Variants in PRDM2 observed in about 807,000 individuals in gnomAD.
PRDM2 encodes PR/SET domain 2, also known as PR domain zinc finger protein 2.
In PRDM2, 30 loss-of-function variants were observed where a neutral mutation model predicts 130.0. The observed-to-expected ratio is 0.23, with a 90% CI of 0.17 to 0.31. PRDM2 has a LOEUF of 0.31. Ranked by LOEUF, PRDM2 falls within the 10% of genes least tolerant of loss-of-function variation. The pLI, the probability that PRDM2 is intolerant of heterozygous loss-of-function variation, is 1.00. For synonymous variants in PRDM2, 871 were observed against 782.4 expected (o/e 1.11, Z -1.89); for missense variants, 2,011 against 2,108.4 (o/e 0.95, Z 0.90).
At chr1:13,723,024 G>C (rs1252609112) in intron 2 of PRDM2, among the ~76,000 whole-genome samples, 7 of 152,156 alleles carry the variant, frequency 4.6e-5, no homozygotes, top group Admixed American at 4.6e-4. Flanking sequence ...CCTTGGTTTT[G>C]CATGTTCCAG....
At chr1:13,759,326 C>G (rs1318086938) in intron 6 of PRDM2, among the ~76,000 whole-genome samples, 1 of 152,124 alleles carries the variant, frequency 6.6e-6, no homozygotes, top group Non-Finnish European at 1.5e-5. Context: ...AACCCCAAGA[C>G]GGAATTATGT....
chr1:13,760,041 G>A (rs80269966), intron 6 of PRDM2, among the ~76,000 whole-genome samples: 4,328 of 152,136 alleles, frequency 0.028, 210 homozygotes, highest in African/African-American at 0.098. Flanking sequence ...TGAGTGGTAA[G>A]CTTAATACCT....
At chr1:13,750,314 G>A (rs1643782711) in intron 6 of PRDM2, among the ~76,000 whole-genome samples, 1 of 151,770 alleles carries the variant, frequency 6.6e-6, no homozygotes, top group South Asian at 2.1e-4. Flanking sequence ...ATAGATCCCA[G>A]TTTGAAAATA....
In PRDM2 at chr1:13,780,667, T is replaced by C; in HGVS notation, c.2872T>C (p.Ser958Pro). 1 of 1,611,648 alleles carries C rather than the reference T, an allele frequency of 6.2e-7. No individual in the cohort carries two copies. Among genetic ancestry groups the C allele is most frequent in the Non-Finnish European group, 8.5e-7 (1 of 1,178,638 alleles). Residue 958 changes from serine to proline, a missense_variant, in exon 8 of 10, where the codon TCC (serine) becomes CCC (proline). By Grantham distance (74) the Ser-to-Pro change is moderately conservative (BLOSUM62 -1). Around this residue, in one of 5 missense-constraint regions of PRDM2, gnomAD observed 1,288 missense variants for 1,237.7 expected, o/e 1.04. Coordinates refer to ENST00000311066, the MANE Select transcript of PRDM2 (RefSeq NM_001393986.1). ...TGCCCTGCAGACACCCTCCCTTTCA[T>C]CCGGTCAGCTGCCTCCTCTCTTGAT... ...SPALQTPSLS[S>P]GQLPPLLIPT...
chr1:13,816,161 C>T (rs1318177468), intron 8 of PRDM2, among the ~76,000 whole-genome samples: 4 of 152,222 alleles, frequency 2.6e-5, no homozygotes, highest in Admixed American at 2.6e-4. Flanking sequence ...TCAGAACCAG[C>T]CCAATGGACA....
chr1:13,767,221 C>T (rs1451226942), intron 6 of PRDM2, among the ~76,000 whole-genome samples: 2 of 151,184 alleles, frequency 1.3e-5, no homozygotes, highest in Non-Finnish European at 2.9e-5. Context: ...TTGTTTCTGG[C>T]ACAGGATAAA....
rs1173538456 is a variant in PRDM2, at chr1:13,749,343, T to C, written c.385-18T>C. ...GCCGCTCTGATTGGCCCGGCGCTTGTCTCTTCTCTCCCCGCAGCCAATCGC... is the reference window on the plus strand; with the variant it reads ...GCCGCTCTGATTGGCCCGGCGCTTGCCTCTTCTCTCCCCGCAGCCAATCGC... On this transcript the variant is annotated intron_variant, in intron 5 of 9. Coordinates refer to ENST00000311066, the MANE Select transcript of PRDM2 (RefSeq NM_001393986.1). 2.0e-6 allele frequency: 3 copies of C among 1,468,980 alleles called. No homozygotes were observed. Among genetic ancestry groups the C allele is most frequent in the Admixed American group, 1.9e-5 (1 of 52,182 alleles). The allele number at this position is 1,468,980 out of a possible 1,614,324, so 91.0% of individuals were successfully genotyped here. A position where few individuals can be genotyped will look rare whatever the true frequency, so the allele number is the denominator to read the frequency against.
chr1:13,811,427 G>A (rs1410740316), intron 8 of PRDM2, among the ~76,000 whole-genome samples: 1 of 152,212 alleles, frequency 6.6e-6, no homozygotes, highest in Non-Finnish European at 1.5e-5. Flanking sequence ...ACTGGAGGCA[G>A]TGCTGGGAGC....
rs570915922 is a variant in PRDM2 at position 13,744,045 on chromosome 1, G to C, written c.384+1888G>C. Among the ~76,000 whole-genome samples, 3 of 152,294 alleles carry C rather than the reference G, an allele frequency of 2.0e-5. No individual in the cohort carries two copies. The South Asian group carries it at 6.2e-4, about 32-fold the overall frequency. On this transcript the variant is annotated intron_variant, in intron 5 of 9. Coordinates refer to ENST00000311066, the MANE Select transcript of PRDM2 (RefSeq NM_001393986.1). The stretch of plus-strand genomic sequence containing the variant: ...CTGGTGGAGATGAAATACTAGCTAG[G>C]GGATGAATATGAGACAATCAAGGTA...
At chr1:13,736,654 C>G (rs1643282597) in intron 4 of PRDM2, among the ~76,000 whole-genome samples, 1 of 151,830 alleles carries the variant, frequency 6.6e-6, no homozygotes, top group Non-Finnish European at 1.5e-5. Context: ...TACATTTTAA[C>G]TTTTTATAAA....
At chr1:13,749,225 C>A in intron 5 of PRDM2, 136 bp from the exon 6 acceptor site, 1 of 843,156 alleles carries the variant, frequency 1.2e-6, no homozygotes, top group Non-Finnish European at 1.5e-6. Context: ...GCCCTTCCTG[C>A]CGGCCGGGTG....
chr1:13,749,186 G>C (rs1024156338), intron 5 of PRDM2, among the ~76,000 whole-genome samples, 175 bp from the exon 6 acceptor site: 1 of 151,450 alleles, frequency 6.6e-6, no homozygotes, highest in Admixed American at 6.6e-5. Flanking sequence ...AGGGTTCCGG[G>C]CGCCGGCGCG....
Position 13,749,432 on chromosome 1 carries a change from T to A in PRDM2, c.456T>A (p.Ile152=). 1 of 1,510,898 alleles carries A rather than the reference T, an allele frequency of 6.6e-7. No individual in the cohort carries two copies. The highest frequency in any genetic ancestry group is 8.9e-7 in the Non-Finnish European group (1 of 1,117,426). The allele number at this position is 1,510,898 out of a possible 1,614,324, so 93.6% of individuals were successfully genotyped here. ...ACAACCCTGAGATAGCAGCTGCGATTGAGGAAGAGCGAGCCAGCGCCCGGA... is the reference window on the plus strand; with the variant it reads ...ACAACCCTGAGATAGCAGCTGCGATAGAGGAAGAGCGAGCCAGCGCCCGGA... The part of the protein sequence containing the change: ...GEDNPEIAAA[I]EEERASARSK... The change falls in exon 6 of 10, where the codon ATT becomes ATA. Residue 152 remains isoleucine (I), a synonymous_variant. Transcript: ENST00000311066.
rs549478734 is a variant in PRDM2 at position 13,821,945 on chromosome 1, C to T, written c.*24-1214C>T. Among the ~76,000 whole-genome samples the T allele has an allele frequency of 1.1e-4, 16 of 152,318 alleles. No individual in the cohort carries two copies. In the East Asian group the frequency reaches 2.3e-3, roughly 22 times the overall value. The stretch of plus-strand genomic sequence containing the variant: ...AAGTCTCACCTCTGCTGCTCATCAT[C>T]TGCAGGCTTGTAAAAGTTATTTCTC... On this transcript the variant is annotated intron_variant, in intron 9 of 9. Transcript: ENST00000311066.
intron 2 of PRDM2, among the ~76,000 whole-genome samples, chr1:13,719,720 T>C (rs910372342): frequency 3.9e-5 from 6 of 152,246 alleles, no homozygotes; most frequent in African/African-American, 1.4e-4. Context: ...TTTATTGTTA[T>C]AGCAGTCCTG....
At chr1:13,731,229 C>T (rs1425479635) in intron 3 of PRDM2, 112 bp downstream of exon 3, 3 of 797,810 alleles carry the variant, frequency 3.8e-6, no homozygotes, top group Admixed American at 2.3e-5. Context: ...AGCAATTTAC[C>T]CTTGACTTAG....
chr1:13,776,775 T>C (rs561348383), intron 7 of PRDM2, among the ~76,000 whole-genome samples: 6 of 152,154 alleles, frequency 3.9e-5, no homozygotes, highest in African/African-American at 1.4e-4. Context: ...GGACCACCAC[T>C]CTCTTGGTTC....
intron 2 of PRDM2, among the ~76,000 whole-genome samples, chr1:13,726,843 A>G (rs576013414): frequency 1.2e-4 from 19 of 152,326 alleles, no homozygotes; most frequent in South Asian, 2.1e-4. Flanking sequence ...CACAGTGATC[A>G]GTGTTAAAAA....
chr1:13,784,952 T>G (rs1196727736), intron 8 of PRDM2, among the ~76,000 whole-genome samples: 1 of 152,238 alleles, frequency 6.6e-6, no homozygotes, highest in Non-Finnish European at 1.5e-5. Context: ...AAACAGATGT[T>G]CATCAAGATA....
Sources: gnomAD v4.1 joint callset for allele counts (sites outside exome capture counted in the v4.1 genomes callset) on GRCh38, gnomAD v4.1.1 for gene constraint, gnomAD v4.1.1 regional missense constraint, MANE v1.5 for transcripts, NCBI Gene and HGNC (gene_info 2026-07-23, HGNC 2026-07-21) for gene names.